Variants in KRABD2 observed in about 807,000 individuals in gnomAD.
The protein encoded by KRABD2 is KRAB domain-containing protein 2.
At chr17:8,373,313 T>G in the KRABD2 span, among the ~76,000 whole-genome samples, 3 of 152,248 alleles carry the variant, frequency 2.0e-5, no homozygotes, top group Non-Finnish European at 4.4e-5. Flanking sequence ...TGCCTGGGAT[T>G]GCCCACAGGC....
the KRABD2 span, among the ~76,000 whole-genome samples, chr17:8,363,838 T>TATCATAC: frequency 1.4e-5 from 1 of 73,212 alleles, no homozygotes; most frequent in Non-Finnish European, 2.8e-5. Flanking sequence ...TACATATATA[T>TATCATAC]ATATATATAT....
chr17:8,359,878 G>A, the KRABD2 span: 1 of 454,586 alleles, frequency 2.2e-6, no homozygotes, highest in Non-Finnish European at 4.4e-6. Flanking sequence ...TCAGGAGAAA[G>A]AGAGGCAAAA....
chr17:8,368,002 C>T, the KRABD2 span, among the ~76,000 whole-genome samples: 4,812 of 146,630 alleles, frequency 0.033, 268 homozygotes, highest in African/African-American at 0.11. Flanking sequence ...GTGGCGTGTG[C>T]CTGTAATCCT....
the KRABD2 span, chr17:8,371,397 C>A: frequency 6.2e-7 from 1 of 1,614,092 alleles, no homozygotes; most frequent in South Asian, 1.1e-5. Context: ...AATCTTTGGT[C>A]ATATTTTCAA....
chr17:8,371,301 G>A, the KRABD2 span: 1 of 1,584,176 alleles, frequency 6.3e-7, no homozygotes, highest in Admixed American at 1.7e-5. Flanking sequence ...AAGATTCTGA[G>A]CCCTTACCCT....
chr17:8,365,847 G>C, the KRABD2 span: 4 of 152,338 alleles, frequency 2.6e-5, no homozygotes, highest in East Asian at 1.9e-4. Context: ...ATAAAAGACC[G>C]GCCGGGCGAG....
At chr17:8,371,730 G>C in the KRABD2 span, 1 of 1,306,584 alleles carries the variant, frequency 7.7e-7, no homozygotes, top group Non-Finnish European at 9.7e-7. Flanking sequence ...GAATAAAGCA[G>C]AGTCCAAGTG....
chr17:8,371,995 A>C, the KRABD2 span: 5 of 985,676 alleles, frequency 5.1e-6, no homozygotes, highest in East Asian at 3.4e-4. Context: ...AGTTCACATG[A>C]GGACTGCAGG....
At chr17:8,375,921 G>C in the KRABD2 span, 1 of 1,229,596 alleles carries the variant, frequency 8.1e-7, no homozygotes, top group Non-Finnish European at 1.0e-6. Flanking sequence ...CGCCTTGGCT[G>C]TTTCCGACTC....
At chr17:8,369,286 C>T in the KRABD2 span, 3 of 1,614,254 alleles carry the variant, frequency 1.9e-6, no homozygotes, top group Non-Finnish European at 2.5e-6. Context: ...AGCTGTTCTT[C>T]AGCAATTTCT....
the KRABD2 span, chr17:8,359,705 C>G: frequency 6.8e-5 from 31 of 455,868 alleles, no homozygotes; most frequent in Admixed American, 7.3e-4. Context: ...GTGGCAGTTT[C>G]AGGTGTCTGG....
chr17:8,359,903 C>T, the KRABD2 span: 1 of 452,230 alleles, frequency 2.2e-6, no homozygotes, highest in South Asian at 1.6e-5. Context: ...GAGGGGATGT[C>T]ATTCAAAGAA....
chr17:8,371,962 C>T, the KRABD2 span: 5 of 988,268 alleles, frequency 5.1e-6, no homozygotes, highest in East Asian at 3.3e-4. Flanking sequence ...AGCCGTAAGA[C>T]AGGATGGTGA....
the KRABD2 span, chr17:8,371,722 A>G: frequency 1.5e-6 from 2 of 1,326,558 alleles, no homozygotes; most frequent in African/African-American, 2.9e-5. Context: ...TCTTTCCAGA[A>G]TAAAGCAGAG....
chr17:8,369,400 G>A, the KRABD2 span: 3 of 1,614,120 alleles, frequency 1.9e-6, no homozygotes, highest in Non-Finnish European at 2.5e-6. Flanking sequence ...AATGGACTTT[G>A]CTGCAAGGAA....
the KRABD2 span, among the ~76,000 whole-genome samples, chr17:8,370,944 G>A: frequency 6.6e-6 from 1 of 152,072 alleles, no homozygotes; most frequent in Non-Finnish European, 1.5e-5. Context: ...CGAGGTGGGC[G>A]GATCACTTGA....
the KRABD2 span, chr17:8,359,621 C>T: frequency 2.2e-6 from 1 of 455,864 alleles, no homozygotes; most frequent in Non-Finnish European, 4.4e-6. Context: ...CCAGGAAAAG[C>T]CCAGAATGAC....
chr17:8,370,355 C>A, the KRABD2 span: 1 of 1,593,280 alleles, frequency 6.3e-7, no homozygotes, highest in South Asian at 1.2e-5. Flanking sequence ...TTCCAGCTCT[C>A]TGAGGCATCA....
chr17:8,369,595 C>T, the KRABD2 span: 7 of 1,614,092 alleles, frequency 4.3e-6, no homozygotes, highest in South Asian at 3.3e-5. Context: ...GGCCACAACT[C>T]ATTGAGCTCA....
Sources: allele counts gnomAD v4.1 joint callset (sites outside exome capture counted in the v4.1 genomes callset), GRCh38; gene constraint gnomAD v4.1.1; transcripts MANE v1.5; gene names NCBI Gene and HGNC (gene_info 2026-07-23, HGNC 2026-07-21).